Variants in PRR12 observed in about 807,000 individuals in gnomAD.
PRR12 encodes the protein proline rich 12.
PRR12 carries 12 observed loss-of-function variants against 138.0 expected under a neutral mutation model. The ratio of observed to expected loss-of-function variants is 0.09; its 90% CI spans 0.06 to 0.14. The LOEUF (loss-of-function observed/expected upper bound fraction) is 0.14. Ranked by LOEUF, PRR12 falls within the 10% of genes least tolerant of loss-of-function variation. The pLI, the probability that PRR12 is intolerant of heterozygous loss-of-function variation, is 1.00. For missense variants in PRR12, 2,692 were observed against 2,861.3 expected, an observed-to-expected ratio of 0.94 and a Z score of 1.35; for synonymous variants, 1,567 against 1,291.7, an observed-to-expected ratio of 1.21 and a Z score of -4.57.
rs1229101297 is a variant in PRR12, at chr19:49,595,841, G to A, written c.1506G>A (p.Leu502=). The change falls in exon 4 of 14, where the codon CTG becomes CTA. Residue 502 remains leucine (L), a synonymous_variant. Coordinates refer to ENST00000418929, the MANE Select transcript of PRR12 (RefSeq NM_020719.3). ...GTCAGAGCTACTCCCCGGACCAGCT[G>A]CAGGGGCAGCTGTATGGGGTGCAGG... ...ATCQSYSPDQ[L]QGQLYGVQGE... 1.9e-6 allele frequency: 3 copies of A among 1,600,970 alleles called. No homozygotes were observed. The highest frequency in any genetic ancestry group is 1.7e-6 in the Non-Finnish European group (2 of 1,177,910).
chr19:49,594,664 TTC>T lies in PRR12; in HGVS notation c.362-27_362-26del, dbSNP rs1301833566. 1.9e-6 allele frequency: 3 copies of T among 1,610,470 alleles called. No individual in the cohort carries two copies. The highest frequency in any genetic ancestry group is 2.5e-6 in the Non-Finnish European group (3 of 1,179,454). ...GGGCCAGGGTGGGACTGGCTCGCTG[TTC>T]TCTCTGACGCGCGGTCTTCCTCATC... On this transcript the variant is annotated intron_variant, in intron 3 of 13. Transcript: ENST00000418929. This position sits in a 1 kb window ranked among gnomAD's most constrained non-coding sequence, Gnocchi z 5.6.
rs368719111 is a variant in PRR12, at chr19:49,622,427, T to C, written c.5721+805T>C. 2.3e-4 allele frequency among the ~76,000 whole-genome samples: 35 copies of C among 152,012 alleles called. No homozygotes were observed. In the South Asian group the frequency reaches 6.0e-3, roughly 26 times the overall value. On this transcript the variant is annotated intron_variant, in intron 11 of 13. Transcript: ENST00000418929. ...ATAAAAAAAAGTGAAACCCCGTCTC[T>C]ACTCAAAATAAAAAATTAGCTGGGC... is the stretch of plus-strand genomic sequence containing the variant.
intron 11 of PRR12, among the ~76,000 whole-genome samples, chr19:49,622,819 G>A (rs548370783): frequency 1.5e-4 from 23 of 149,826 alleles, no homozygotes; most frequent in African/African-American, 5.2e-4. Flanking sequence ...GTGAACCCGG[G>A]AGGCGGAGCT....
At position 49,620,393 on chromosome 19, in the gene PRR12, C is replaced by G; in HGVS notation, c.5539C>G (p.Arg1847Gly). 6.2e-7 allele frequency: 1 copy of G among 1,611,908 alleles called. No homozygotes were observed. The highest frequency in any genetic ancestry group is 8.5e-7 in the Non-Finnish European group (1 of 1,179,138). The change falls in exon 10 of 14, where the codon CGG becomes GGG. Residue 1847 changes from arginine to glycine, a missense_variant. Coordinates refer to ENST00000418929, the MANE Select transcript of PRR12 (RefSeq NM_020719.3). ...GCGTCTGCTCAAAACCAGGGCGATG[C>G]GGGAGATGTACCGGAGCTACGTGGA... The part of the protein sequence containing the change: ...PGRLLKTRAM[R>G]EMYRSYVEML...
At chr19:49,603,802 T>A (rs1394564380) in intron 6 of PRR12, among the ~76,000 whole-genome samples, 1 of 152,136 alleles carries the variant, frequency 6.6e-6, no homozygotes, top group Non-Finnish European at 1.5e-5. Flanking sequence ...ATTATAAGGA[T>A]AATAACTATC....
chr19:49,596,843 T>TCCC lies in PRR12; in HGVS notation c.2510_2511insCCC (p.Pro845dup). 2.6e-6 allele frequency: 4 copies of TCCC among 1,546,742 alleles called. No individual in the cohort carries two copies. Among genetic ancestry groups the TCCC allele is most frequent in the Non-Finnish European group, 3.5e-6 (4 of 1,148,736 alleles). On this transcript the variant is annotated inframe_insertion, in exon 4 of 14. Transcript: ENST00000418929. The surrounding 1 kb of genome is among the most constrained non-coding windows in gnomAD (Gnocchi z 5.6). ...CCCGCGATGGGGCACCCCAGCCACC[T>TCCC]CCACCGCCACCCCCGCCTCCACCAC... is the stretch of plus-strand genomic sequence containing the variant.
chr19:49,608,700 C>G (rs2080850451), intron 6 of PRR12, among the ~76,000 whole-genome samples: 1 of 152,076 alleles, frequency 6.6e-6, no homozygotes. Flanking sequence ...CTTAACCAGA[C>G]ATGGTGGTGC....
At chr19:49,608,406 G>A (rs914403187) in intron 6 of PRR12, among the ~76,000 whole-genome samples, 6 of 151,874 alleles carry the variant, frequency 4.0e-5, no homozygotes, top group Admixed American at 6.6e-5. Context: ...GCAATGACGC[G>A]ATCTCTGCTC....
At chr19:49,593,626 G>A (rs1462535285) in intron 2 of PRR12, among the ~76,000 whole-genome samples, 187 bp downstream of exon 2, 1 of 151,888 alleles carries the variant, frequency 6.6e-6, no homozygotes, top group Non-Finnish European at 1.5e-5. Flanking sequence ...CGCCGGATTC[G>A]TCCGCCCCTG....
intron 5 of PRR12, among the ~76,000 whole-genome samples, chr19:49,601,282 G>A (rs909699550): frequency 5.9e-5 from 9 of 151,962 alleles, no homozygotes; most frequent in African/African-American, 2.2e-4. Context: ...GGACTGAGAA[G>A]GGGATTAGGG....
intron 11 of PRR12, among the ~76,000 whole-genome samples, chr19:49,623,396 G>C (rs572644091): frequency 6.6e-6 from 1 of 151,998 alleles, no homozygotes; most frequent in Admixed American, 6.6e-5. Flanking sequence ...GAGGCTAAGG[G>C]AGGTGGATCA....
In PRR12 at chr19:49,596,969, C is replaced by T. The variant is rs750372622; in HGVS notation, c.2634C>T (p.Gly878=). 9.0e-6 allele frequency: 14 copies of T among 1,553,868 alleles called. No homozygotes were observed. The East Asian group carries it at 1.9e-4, about 21-fold the overall frequency. Residue 878 remains glycine (G), a synonymous_variant, in exon 4 of 14, where the codon GGC becomes GGT. Transcript: ENST00000418929. This position sits in a 1 kb window ranked among gnomAD's most constrained non-coding sequence, Gnocchi z 5.6. Reference sequence around the variant, plus strand: ...CCGAGGAGAGCCTGGATCCGCCAGGCGCCATGCAGGAATTGCTCGGGGCTC... The same window carrying T: ...CCGAGGAGAGCCTGGATCCGCCAGGTGCCATGCAGGAATTGCTCGGGGCTC... The part of the protein sequence containing the change: ...LRPEESLDPP[G]AMQELLGALE...
chr19:49,596,004 G>T lies in PRR12; in HGVS notation c.1669G>T (p.Gly557Cys). The part of the protein sequence containing the change: ...GWGPSSLGGG[G>C]EASPSHIIRP... ...GGGACCCAGCTCCCTGGGAGGCGGC[G>T]GTGAGGCCAGCCCATCTCACATCAT... The change falls in exon 4 of 14, where the codon GGT becomes TGT. Residue 557 changes from glycine (G) to cysteine (C), a missense_variant. Gly to Cys is a radical substitution (Grantham distance 159). Transcript: ENST00000418929. The surrounding 1 kb of genome is among the most constrained non-coding windows in gnomAD (Gnocchi z 5.6). 6.2e-7 allele frequency: 1 copy of T among 1,601,006 alleles called. No individual in the cohort carries two copies. Among genetic ancestry groups the T allele is most frequent in the Non-Finnish European group, 8.5e-7 (1 of 1,179,692 alleles).
chr19:49,595,688 T>A lies in PRR12; in HGVS notation c.1353T>A (p.Leu451=). Residue 451 remains leucine (L), a synonymous_variant, in exon 4 of 14, where the codon CTT becomes CTA. Coordinates refer to ENST00000418929, the MANE Select transcript of PRR12 (RefSeq NM_020719.3). ...ATTCCCCCGGTCAGCCTCAAGGGCT[T>A]CTGGGACCCCAGGCCTACGGGCAAG... ...QAYSPGQPQG[L]LGPQAYGQGF... is the part of the protein sequence containing the mutation. 1 of 1,594,376 alleles carries A rather than the reference T, an allele frequency of 6.3e-7. No individual in the cohort carries two copies. The highest frequency in any genetic ancestry group is 1.3e-5 in the African/African-American group (1 of 74,382).
In PRR12 at chr19:49,599,254, C is replaced by A. The variant is rs748333466; in HGVS notation, c.3679-18C>A. ...CCCAGGCTACTGGGCCCTCACGGCC[C>A]GCCACTCCCATGTCTAGATCAAGCT... On this transcript the variant is annotated intron_variant, in intron 4 of 13. Coordinates refer to ENST00000418929, the MANE Select transcript of PRR12 (RefSeq NM_020719.3). This position sits in a 1 kb window ranked among gnomAD's most constrained non-coding sequence, Gnocchi z 5.0. 6.5e-7 allele frequency: 1 copy of A among 1,547,606 alleles called. No individual in the cohort carries two copies. Among genetic ancestry groups the A allele is most frequent in the Non-Finnish European group, 8.7e-7 (1 of 1,147,918 alleles).
chr19:49,598,456 T>C (rs10417980), intron 4 of PRR12, among the ~76,000 whole-genome samples: 53,622 of 151,930 alleles, frequency 0.35, 11,507 homozygotes, highest in African/African-American at 0.61. Context: ...GGTTTACATT[T>C]CTAAAATCTG....
intron 6 of PRR12, among the ~76,000 whole-genome samples, chr19:49,612,272 A>G (rs1423448407): frequency 6.6e-6 from 1 of 151,448 alleles, no homozygotes; most frequent in Non-Finnish European, 1.5e-5. Flanking sequence ...TCCCCAGGTC[A>G]AGTCTCCAAT....
At position 49,599,676 on chromosome 19, in the gene PRR12, A is replaced by G. The variant is rs1042997359; in HGVS notation, c.4083A>G (p.Ser1361=). 2.5e-6 allele frequency: 4 copies of G among 1,612,956 alleles called. No individual in the cohort carries two copies. The African/African-American group carries it at 5.3e-5, about 22-fold the overall frequency. ...ESEGLGLGCP[S]PCKRLDEELK... The stretch of plus-strand genomic sequence containing the variant: ...AGGGTCTGGGGCTTGGCTGCCCTTC[A>G]CCCTGCAAGCGGCTTGATGAGGAGC... Residue 1361 remains serine, a synonymous_variant, in exon 5 of 14, where the codon TCA becomes TCG. Coordinates refer to ENST00000418929, the MANE Select transcript of PRR12 (RefSeq NM_020719.3). This position sits in a 1 kb window ranked among gnomAD's most constrained non-coding sequence, Gnocchi z 5.0.
Position 49,616,323 on chromosome 19 carries a change from C to G in PRR12, c.5497+104C>G, listed in dbSNP as rs1395080536. ...GTAGCCTTGGCAGGACAGTAAGAAC[C>G]AGTATGTTACAGATAATGGCAGTAG... On this transcript the variant is annotated intron_variant, in intron 9 of 13. Transcript: ENST00000418929. This position sits in a 1 kb window ranked among gnomAD's most constrained non-coding sequence, Gnocchi z 4.2. The G allele has an allele frequency of 9.8e-7, 1 of 1,018,912 alleles. No individual in the cohort carries two copies. Among genetic ancestry groups the G allele is most frequent in the African/African-American group, 1.6e-5 (1 of 61,046 alleles). The allele number at this position is 1,018,912 out of a possible 1,614,324, so 63.1% of individuals were successfully genotyped here.
Sources: gnomAD v4.1 joint callset for allele counts (sites outside exome capture counted in the v4.1 genomes callset) on GRCh38, gnomAD v4.1.1 for gene constraint, Gnocchi (gnomAD v3.1) non-coding constraint, MANE v1.5 for transcripts, NCBI Gene and HGNC (gene_info 2026-07-23, HGNC 2026-07-21) for gene names.